Variants in LRP1B observed in about 807,000 individuals in gnomAD.
LRP1B encodes low-density lipoprotein receptor-related protein 1B.
LRP1B carries 217 observed loss-of-function variants against 556.6 expected under a neutral mutation model. The ratio of observed to expected loss-of-function variants is 0.39; its 90% CI spans 0.35 to 0.44. LRP1B has a LOEUF of 0.44. Ranked by LOEUF, LRP1B falls within the 20% of genes least tolerant of loss-of-function variation. The probability of loss-of-function intolerance (pLI) is 1.00; values close to 1 mark genes in which losing one functional copy is unlikely to be tolerated. For synonymous variants in LRP1B, 2,047 were observed against 1,865.8 expected, an observed-to-expected ratio of 1.10 and a Z score of -2.50; for missense variants, 5,053 against 5,620.8, an observed-to-expected ratio of 0.90 and a Z score of 3.23.
intron 7 of LRP1B, among the ~76,000 whole-genome samples, chr2:141,116,421 G>T (rs1055264602): frequency 6.6e-6 from 1 of 152,108 alleles, no homozygotes; most frequent in Admixed American, 6.6e-5. Flanking sequence ...ATCCAATATG[G>T]AAGTCAAGTA....
At chr2:140,751,060 T>C (rs1688562499) in intron 35 of LRP1B, among the ~76,000 whole-genome samples, 1 of 148,816 alleles carries the variant, frequency 6.7e-6, no homozygotes, top group Non-Finnish European at 1.5e-5. Context: ...TGGCGTGATC[T>C]CGGCTCACTG....
Position 140,232,866 on chromosome 2 carries a change from C to A in LRP1B, c.*320G>T, listed in dbSNP as rs1296807584. 8 of 173,188 alleles carry A rather than the reference C, an allele frequency of 4.6e-5. No individual in the cohort carries two copies. The highest frequency in any genetic ancestry group is 7.1e-5 in the African/African-American group (3 of 42,304). The allele number at this position is 173,188 out of a possible 1,614,324, so 10.7% of individuals were successfully genotyped here. ...TTGATTAAGTACAACCAAAAAAGTT[C>A]ATATAAAATAGATTGCTCATATTCA... On this transcript the variant is annotated 3_prime_UTR_variant, in exon 91 of 91. Coordinates refer to ENST00000389484, the MANE Select transcript of LRP1B (RefSeq NM_018557.3).
chr2:141,137,770 G>A (rs1701526134), intron 7 of LRP1B, among the ~76,000 whole-genome samples: 1 of 151,854 alleles, frequency 6.6e-6, no homozygotes, highest in South Asian at 2.1e-4. Context: ...TTCAAGTTAA[G>A]AGCCTAGGTT....
chr2:140,270,951 TTA>T (rs1158982039), intron 85 of LRP1B, among the ~76,000 whole-genome samples: 1 of 151,930 alleles, frequency 6.6e-6, no homozygotes, highest in African/African-American at 2.4e-5. Flanking sequence ...AAAAAAACAG[TTA>T]TGTTATAGGA....
In LRP1B at chr2:141,058,394, A is replaced by C. The variant is rs1232098982; in HGVS notation, c.1408+489T>G. Among the ~76,000 whole-genome samples the C allele has an allele frequency of 5.9e-5, 9 of 151,930 alleles. No individual in the cohort carries two copies. In the East Asian group the frequency reaches 1.4e-3, roughly 23 times the overall value. On this transcript the variant is annotated intron_variant, in intron 9 of 90. Transcript: ENST00000389484. ...AGCATCACTAATCTCCTGTAGAAAC[A>C]ACTGGTTTGTTTTTCTGAGAAAAAC...
chr2:141,077,262 A>G (rs1419645296), intron 7 of LRP1B, among the ~76,000 whole-genome samples: 10 of 121,964 alleles, frequency 8.2e-5, no homozygotes. Context: ...ACAAACAAAA[A>G]CAAAAACAAA....
intron 46 of LRP1B, among the ~76,000 whole-genome samples, chr2:140,536,346 T>G (rs1574053701): frequency 1.2e-5 from 1 of 85,272 alleles, no homozygotes; most frequent in African/African-American, 5.0e-5. Flanking sequence ...AAAAAAAGGC[T>G]ATTTTGTGGA....
At chr2:140,894,816 C>T (rs745426452) in intron 23 of LRP1B, among the ~76,000 whole-genome samples, 10 of 151,986 alleles carry the variant, frequency 6.6e-5, no homozygotes, top group Admixed American at 6.6e-5. Context: ...GGCATGGTGG[C>T]GCCTGCCTGT....
chr2:140,654,910 C>T (rs1002557813), intron 41 of LRP1B, among the ~76,000 whole-genome samples: 15 of 152,122 alleles, frequency 9.9e-5, no homozygotes, highest in African/African-American at 3.6e-4. Flanking sequence ...CTTTTTCCCA[C>T]ACACCAGTAA....
chr2:142,124,132 C>T (rs891466872), intron 1 of LRP1B, among the ~76,000 whole-genome samples: 1 of 151,730 alleles, frequency 6.6e-6, no homozygotes, highest in Non-Finnish European at 1.5e-5. Context: ...TATTATCTTA[C>T]CACCCAGGTG....
intron 1 of LRP1B, among the ~76,000 whole-genome samples, chr2:142,010,218 A>C (rs1394991150): frequency 6.6e-6 from 1 of 151,676 alleles, no homozygotes; most frequent in Admixed American, 6.6e-5. Flanking sequence ...TGCACAGGAA[A>C]CCCCTAAAAA....
chr2:141,347,516 A>G (rs1177804067), intron 3 of LRP1B, among the ~76,000 whole-genome samples: 2 of 151,904 alleles, frequency 1.3e-5, no homozygotes, highest in African/African-American at 4.8e-5. Flanking sequence ...TTTAAAATTT[A>G]ATATAAAAAT....
At chr2:140,724,052 A>G (rs1340072407) in intron 35 of LRP1B, among the ~76,000 whole-genome samples, 1 of 152,234 alleles carries the variant, frequency 6.6e-6, no homozygotes, top group Non-Finnish European at 1.5e-5. Context: ...AGGGAAGATG[A>G]GAATCTGGTT....
chr2:140,614,143 A>G (rs575842110), intron 41 of LRP1B, among the ~76,000 whole-genome samples: 1 of 152,154 alleles, frequency 6.6e-6, no homozygotes, highest in East Asian at 1.9e-4. Context: ...TCAGGCCCCT[A>G]CTTCCTCATT....
intron 1 of LRP1B, among the ~76,000 whole-genome samples, chr2:141,899,146 T>G (rs1432365055): frequency 1.3e-5 from 2 of 152,094 alleles, no homozygotes; most frequent in Admixed American, 1.3e-4. Flanking sequence ...AGGGTGGCAG[T>G]GGAAAGATAC....
At chr2:142,040,572 G>A (rs1267952885) in intron 1 of LRP1B, among the ~76,000 whole-genome samples, 1 of 148,770 alleles carries the variant, frequency 6.7e-6, no homozygotes, top group East Asian at 2.0e-4. Flanking sequence ...GGAATGAAAA[G>A]TACACGGTTT....
At chr2:141,147,358 C>G (rs1701811066) in intron 7 of LRP1B, among the ~76,000 whole-genome samples, 2 of 152,100 alleles carry the variant, frequency 1.3e-5, no homozygotes, top group South Asian at 4.1e-4. Context: ...GATACAAGAG[C>G]TGATTTTAGA....
At chr2:142,004,390 A>G (rs1702742858) in intron 1 of LRP1B, among the ~76,000 whole-genome samples, 1 of 152,144 alleles carries the variant, frequency 6.6e-6, no homozygotes, top group African/African-American at 2.4e-5. Context: ...AGGCTAGAGT[A>G]GAGAAAGAGA....
rs1573758890 is a variant in LRP1B at position 140,303,441 on chromosome 2, G to A, written c.12806-5472C>T. Reference sequence around the variant, plus strand: ...TTTTTGTATTTTTAGTAGAGATGGGGTTTCATTATGTTGGCCAGGCTGGTC... The same window carrying A: ...TTTTTGTATTTTTAGTAGAGATGGGATTTCATTATGTTGGCCAGGCTGGTC... On this transcript the variant is annotated intron_variant, in intron 83 of 90. Transcript: ENST00000389484. Among the ~76,000 whole-genome samples the A allele has an allele frequency of 2.6e-5, 4 of 151,738 alleles. No individual in the cohort carries two copies. In the South Asian group the frequency reaches 8.3e-4, roughly 32 times the overall value.
Sources: allele counts gnomAD v4.1 joint callset (sites outside exome capture counted in the v4.1 genomes callset), GRCh38; gene constraint gnomAD v4.1.1; transcripts MANE v1.5; gene names NCBI Gene and HGNC (gene_info 2026-07-23, HGNC 2026-07-21).